Variants in TSC22D1 observed in about 807,000 individuals in gnomAD.
TSC22D1 encodes the protein TSC22 domain family protein 1.
TSC22D1 carries 9 observed loss-of-function variants against 74.2 expected under a neutral mutation model. That is an observed-to-expected ratio of 0.12 (90% confidence interval 0.07 to 0.21). The LOEUF is 0.21. Ranked by LOEUF, TSC22D1 falls within the 10% of genes least tolerant of loss-of-function variation. The probability of loss-of-function intolerance (pLI) is 1.00; values close to 1 mark genes in which losing one functional copy is unlikely to be tolerated. For synonymous variants in TSC22D1, 586 were observed against 492.5 expected, an observed-to-expected ratio of 1.19 and a Z score of -2.51; for missense variants, 1,427 against 1,304.7, an observed-to-expected ratio of 1.09 and a Z score of -1.44.
At chr13:44,565,110 C>T (rs1035495022) in intron 1 of TSC22D1, among the ~76,000 whole-genome samples, 1 of 152,224 alleles carries the variant, frequency 6.6e-6, no homozygotes, top group Non-Finnish European at 1.5e-5. Context: ...TGACTTTACC[C>T]GTCTAAGGCT....
chr13:44,560,854 G>A (rs1244098972), intron 1 of TSC22D1, among the ~76,000 whole-genome samples: 2 of 152,068 alleles, frequency 1.3e-5, no homozygotes, highest in Admixed American at 1.3e-4. Flanking sequence ...ACAGTTCTTT[G>A]GGGTTTTCTT....
intron 1 of TSC22D1, among the ~76,000 whole-genome samples, chr13:44,450,733 G>C (rs568909309): frequency 2.6e-4 from 39 of 152,302 alleles, no homozygotes; most frequent in Non-Finnish European, 4.3e-4. Context: ...GTATAACATT[G>C]ATAGGCCTTA....
intron 1 of TSC22D1, among the ~76,000 whole-genome samples, chr13:44,487,523 A>AAAAAAAAAAAG (rs1878497893): frequency 6.7e-6 from 1 of 148,578 alleles, no homozygotes; most frequent in African/African-American, 2.5e-5. Flanking sequence ...AAAAAAAAAA[A>AAAAAAAAAAAG]AAAAGAAAAG....
intron 1 of TSC22D1, among the ~76,000 whole-genome samples, chr13:44,467,132 A>G (rs987427143): frequency 6.6e-6 from 1 of 152,166 alleles, no homozygotes; most frequent in African/African-American, 2.4e-5. Context: ...ACTGTACTCC[A>G]GCCTGGGCAA....
rs1315126748 is a variant in TSC22D1, at chr13:44,559,732, C to A, written c.2912+13431G>T. Among the ~76,000 whole-genome samples the A allele has an allele frequency of 7.3e-5, 11 of 151,564 alleles. No individual in the cohort carries two copies. The East Asian group carries it at 2.1e-3, about 29-fold the overall frequency. The stretch of plus-strand genomic sequence containing the variant: ...TTGAGACACAGTCTTGCTCTGCTGC[C>A]CAGGCTGGAGTACAGTGGCGTGATC... On this transcript the variant is annotated intron_variant, in intron 1 of 2. Transcript: ENST00000458659.
At chr13:44,494,809 A>T (rs1878890436) in intron 1 of TSC22D1, among the ~76,000 whole-genome samples, 1 of 152,198 alleles carries the variant, frequency 6.6e-6, no homozygotes, top group African/African-American at 2.4e-5. Flanking sequence ...TTTAAATCAG[A>T]TTTCTTAAGT....
At chr13:44,539,091 G>A (rs906201007) in intron 1 of TSC22D1, 6 of 985,104 alleles carry the variant, frequency 6.1e-6, no homozygotes, top group African/African-American at 3.5e-5. Flanking sequence ...ATGCCATGGG[G>A]GAAATCTAGG....
At chr13:44,488,048 A>T in intron 1 of TSC22D1, among the ~76,000 whole-genome samples, 1 of 131,818 alleles carries the variant, frequency 7.6e-6, no homozygotes, top group East Asian at 2.1e-4. Flanking sequence ...ACAGATCAAG[A>T]CTCTGTCTCA....
At chr13:44,546,446 C>T (rs891739797) in intron 1 of TSC22D1, among the ~76,000 whole-genome samples, 7 of 152,048 alleles carry the variant, frequency 4.6e-5, no homozygotes, top group African/African-American at 1.2e-4. Flanking sequence ...TTGCCAAAAA[C>T]GCACAGATTA....
intron 1 of TSC22D1, among the ~76,000 whole-genome samples, chr13:44,564,566 T>C (rs1169683035): frequency 1.3e-5 from 2 of 152,128 alleles, no homozygotes; most frequent in East Asian, 3.8e-4. Context: ...CTGAAAAACT[T>C]TCTGAAAGGT....
At chr13:44,445,049 CTACTT>C (rs1435665874) in intron 1 of TSC22D1, among the ~76,000 whole-genome samples, 22 of 152,134 alleles carry the variant, frequency 1.4e-4, no homozygotes, top group Non-Finnish European at 2.9e-5. Flanking sequence ...TTTTAAAAAA[CTACTT>C]TACAACTCAT....
intron 1 of TSC22D1, among the ~76,000 whole-genome samples, chr13:44,547,789 A>C (rs1881926380): frequency 6.6e-6 from 1 of 152,126 alleles, no homozygotes; most frequent in African/African-American, 2.4e-5. Flanking sequence ...TATGCTTTTA[A>C]AAAAAGAGAA....
At chr13:44,509,330 T>C (rs930200479) in intron 1 of TSC22D1, among the ~76,000 whole-genome samples, 11 of 152,186 alleles carry the variant, frequency 7.2e-5, no homozygotes, top group Non-Finnish European at 1.3e-4. Flanking sequence ...TTAATGCCAC[T>C]GAACTGTACA....
chr13:44,549,513 C>T (rs983629821), intron 1 of TSC22D1, among the ~76,000 whole-genome samples: 6 of 152,082 alleles, frequency 3.9e-5, no homozygotes, highest in Admixed American at 3.3e-4. Context: ...TGGATCAGGC[C>T]TGTAATCCCA....
At chr13:44,491,858 A>G (rs1025142821) in intron 1 of TSC22D1, among the ~76,000 whole-genome samples, 1 of 152,226 alleles carries the variant, frequency 6.6e-6, no homozygotes, top group African/African-American at 2.4e-5. Flanking sequence ...TGGAACAATC[A>G]TTGTAGAAAA....
chr13:44,435,639 G>A (rs1183459903), intron 2 of TSC22D1, among the ~76,000 whole-genome samples: 2 of 152,172 alleles, frequency 1.3e-5, no homozygotes, highest in Admixed American at 1.3e-4. Context: ...CCCTTATCCA[G>A]GATCCCGACT....
chr13:44,523,221 G>T (rs138435378), intron 1 of TSC22D1, among the ~76,000 whole-genome samples: 1 of 152,138 alleles, frequency 6.6e-6, no homozygotes, highest in Non-Finnish European at 1.5e-5. Context: ...CAGTACAGTC[G>T]AGTTGAGACA....
chr13:44,526,039 T>C (rs1303076764), intron 1 of TSC22D1, among the ~76,000 whole-genome samples: 5 of 151,422 alleles, frequency 3.3e-5, no homozygotes, highest in South Asian at 2.1e-4. Context: ...GAAGTGGAGG[T>C]TGCAGTTAGC....
At chr13:44,465,203 T>C (rs1031304054) in intron 1 of TSC22D1, among the ~76,000 whole-genome samples, 1 of 151,996 alleles carries the variant, frequency 6.6e-6, no homozygotes, top group Non-Finnish European at 1.5e-5. Flanking sequence ...TGACCTAATA[T>C]GGAAATAGCA....
Sources: gnomAD v4.1 joint callset for allele counts (sites outside exome capture counted in the v4.1 genomes callset) on GRCh38, gnomAD v4.1.1 for gene constraint, MANE v1.5 for transcripts, NCBI Gene and HGNC (gene_info 2026-07-23, HGNC 2026-07-21) for gene names.